Variants in LIMCH1 observed in about 807,000 individuals in gnomAD.
The protein encoded by LIMCH1 is LIM and calponin homology domains-containing protein 1.
A neutral mutation model predicts 176.5 loss-of-function variants in LIMCH1; 113 were observed. That is an observed-to-expected ratio of 0.64 (90% CI 0.55 to 0.75). The LOEUF is 0.75. Ranked by LOEUF, LIMCH1 falls within the 30% of genes least tolerant of loss-of-function variation. LIMCH1 has a pLI of 0.00. For synonymous variants in LIMCH1, 619 were observed against 645.9 expected, an observed-to-expected ratio of 0.96 and a Z score of 0.63; for missense variants, 1,674 against 1,814.9, an observed-to-expected ratio of 0.92 and a Z score of 1.41.
At chr4:41,681,417 A>T (rs1454044003) in intron 25 of LIMCH1, among the ~76,000 whole-genome samples, 3 of 152,108 alleles carry the variant, frequency 2.0e-5, no homozygotes, top group Non-Finnish European at 4.4e-5. Flanking sequence ...TTCAATATAT[A>T]TTTATTCCCC....
At chr4:41,413,218 G>GT (rs59105322) in intron 1 of LIMCH1, among the ~76,000 whole-genome samples, 2,552 of 139,836 alleles carry the variant, frequency 0.018, 61 homozygotes, top group African/African-American at 0.059. Flanking sequence ...GACATAATAA[G>GT]TTTTTTTTTT....
intron 1 of LIMCH1, among the ~76,000 whole-genome samples, chr4:41,544,077 A>AC (rs1252566964): frequency 9.2e-5 from 14 of 151,630 alleles, no homozygotes; most frequent in Admixed American, 2.0e-4. Flanking sequence ...TATTTCAGAT[A>AC]CCCCCCCACC....
chr4:41,578,085 C>T (rs2084794165), intron 1 of LIMCH1, among the ~76,000 whole-genome samples: 1 of 152,164 alleles, frequency 6.6e-6, no homozygotes, highest in South Asian at 2.1e-4. Flanking sequence ...ACCAGCCCTA[C>T]AATGCTTACT....
intron 29 of LIMCH1, 97 bp from the exon 30 acceptor site, chr4:41,689,430 A>C: frequency 1.5e-6 from 1 of 659,364 alleles, no homozygotes; most frequent in South Asian, 1.7e-5. Flanking sequence ...CATCTTAAAA[A>C]TCCATATTTT....
intron 31 of LIMCH1, among the ~76,000 whole-genome samples, chr4:41,694,666 T>C (rs896202035): frequency 6.6e-6 from 1 of 152,204 alleles, no homozygotes; most frequent in Non-Finnish European, 1.5e-5. Flanking sequence ...ATGGACACTT[T>C]GGTGGTTTCC....
chr4:41,469,665 G>GATTTATTTATTTATTTATTTATTTATTT (rs71198659), intron 1 of LIMCH1, among the ~76,000 whole-genome samples: 11 of 148,248 alleles, frequency 7.4e-5, no homozygotes, highest in African/African-American at 2.5e-4. Flanking sequence ...CTTGTTTTGA[G>GATTTATTTATTTATTTATTTATTTATTT]ATTTATTTAT....
chr4:41,407,697 T>G (rs1018925530), intron 1 of LIMCH1, among the ~76,000 whole-genome samples: 1 of 152,152 alleles, frequency 6.6e-6, no homozygotes, highest in Non-Finnish European at 1.5e-5. Flanking sequence ...AGCCACAAAC[T>G]TCTCCTATCC....
chr4:41,405,380 A>G (rs1037621434), intron 1 of LIMCH1, among the ~76,000 whole-genome samples: 2 of 152,174 alleles, frequency 1.3e-5, no homozygotes, highest in Non-Finnish European at 2.9e-5. Context: ...CCTCTGCGTA[A>G]TGAGTAAAAT....
At chr4:41,574,076 T>C (rs2084009623) in intron 1 of LIMCH1, among the ~76,000 whole-genome samples, 1 of 152,112 alleles carries the variant, frequency 6.6e-6, no homozygotes, top group Admixed American at 6.6e-5. Context: ...GCAGGAAATA[T>C]CATGGGTTTT....
At chr4:41,399,685 C>CTTTTTTTTTTTTTTTT (rs56174007) in intron 1 of LIMCH1, among the ~76,000 whole-genome samples, 4 of 95,784 alleles carry the variant, frequency 4.2e-5, no homozygotes, top group African/African-American at 8.9e-5. Flanking sequence ...GGTGGATACT[C>CTTTTTTTTTTTTTTTT]TTTTTTTTTT....
intron 14 of LIMCH1, among the ~76,000 whole-genome samples, chr4:41,641,322 A>T (rs2093813444): frequency 6.6e-6 from 1 of 152,216 alleles, no homozygotes; most frequent in Admixed American, 6.5e-5. Context: ...GAACTAGGGA[A>T]CATGTTCTGA....
chr4:41,647,086 T>C (rs9291207), intron 17 of LIMCH1, among the ~76,000 whole-genome samples, 193 bp downstream of exon 17: 61,395 of 152,092 alleles, frequency 0.4, 12,610 homozygotes, highest in South Asian at 0.44. Flanking sequence ...TTTCCCTCAA[T>C]TGCTGTTGTT....
chr4:41,464,987 C>T (rs75955508), intron 1 of LIMCH1, among the ~76,000 whole-genome samples: 10 of 152,136 alleles, frequency 6.6e-5, no homozygotes, highest in African/African-American at 1.7e-4. Context: ...TTGCAATGGT[C>T]GTGCCTCTCA....
intron 1 of LIMCH1, among the ~76,000 whole-genome samples, chr4:41,576,414 A>G (rs938051423): frequency 9.9e-5 from 15 of 152,240 alleles, no homozygotes; most frequent in Non-Finnish European, 2.9e-5. Flanking sequence ...TTTTAAAAAT[A>G]CAGATATCCT....
At chr4:41,621,023 A>G (rs1046431006) in intron 7 of LIMCH1, among the ~76,000 whole-genome samples, 1 of 152,026 alleles carries the variant, frequency 6.6e-6, no homozygotes, top group Admixed American at 6.6e-5. Context: ...GTGGCTTGTT[A>G]ATTTTCATGC....
chr4:41,419,688 CTTCCTTCCT>C (rs2060413185), intron 1 of LIMCH1, among the ~76,000 whole-genome samples: 1 of 82,778 alleles, frequency 1.2e-5, no homozygotes, highest in Non-Finnish European at 2.3e-5. Flanking sequence ...TTCCTCCTTC[CTTCCTTCCT>C]TCCTTCCTTC....
chr4:41,580,286 T>A (rs2085201763), intron 1 of LIMCH1, among the ~76,000 whole-genome samples: 1 of 152,138 alleles, frequency 6.6e-6, no homozygotes, highest in Admixed American at 6.5e-5. Flanking sequence ...CACAAAGAAA[T>A]CCTTCAAAAG....
chr4:41,402,775 A>T (rs184773344), intron 1 of LIMCH1, among the ~76,000 whole-genome samples: 1 of 143,610 alleles, frequency 7.0e-6, no homozygotes, highest in Non-Finnish European at 1.5e-5. Context: ...GAATTGAACA[A>T]TGAGAACACA....
chr4:41,449,573 T>C (rs1201147655), intron 1 of LIMCH1, among the ~76,000 whole-genome samples: 2 of 152,188 alleles, frequency 1.3e-5, no homozygotes, highest in African/African-American at 4.8e-5. Flanking sequence ...TTCTCCCTTA[T>C]ACATGAATCT....
Sources: gnomAD v4.1 joint callset for allele counts (sites outside exome capture counted in the v4.1 genomes callset) on GRCh38, gnomAD v4.1.1 for gene constraint, MANE v1.5 for transcripts, NCBI Gene and HGNC (gene_info 2026-07-23, HGNC 2026-07-21) for gene names.